Variants in RBMS3 observed in about 807,000 individuals in gnomAD.
RBMS3 encodes the protein RNA-binding motif, single-stranded-interacting protein 3.
Under a neutral mutation model 66.8 loss-of-function variants are expected in RBMS3, and 27 were observed. That is an observed-to-expected ratio of 0.40 (90% confidence interval 0.30 to 0.56). The LOEUF is 0.56. Ranked by LOEUF, RBMS3 falls within the 20% of genes least tolerant of loss-of-function variation. The pLI is 0.40. For missense variants in RBMS3, 513 were observed against 549.5 expected (o/e 0.93, Z 0.66); for synonymous variants, 188 against 183.0 (o/e 1.03, Z -0.22).
intron 1 of RBMS3, among the ~76,000 whole-genome samples, chr3:29,386,233 C>T (rs2125633725): frequency 6.6e-6 from 1 of 151,888 alleles, no homozygotes; most frequent in Admixed American, 6.6e-5. Flanking sequence ...ACTCGCTTAC[C>T]TTAAGTGGGT....
At chr3:29,574,239 C>T (rs116515158) in intron 3 of RBMS3, among the ~76,000 whole-genome samples, 1,798 of 152,190 alleles carry the variant, frequency 0.012, 37 homozygotes, top group African/African-American at 0.041. Context: ...TCAGGGTGCT[C>T]CAGTGTTGGG....
At chr3:29,638,636 T>C (rs923636539) in intron 4 of RBMS3, among the ~76,000 whole-genome samples, 4 of 151,852 alleles carry the variant, frequency 2.6e-5, no homozygotes, top group African/African-American at 4.8e-5. Flanking sequence ...TACTAAAAGA[T>C]AGCCTCAATC....
At chr3:29,708,289 G>A (rs369058174) in intron 4 of RBMS3, among the ~76,000 whole-genome samples, 4 of 152,096 alleles carry the variant, frequency 2.6e-5, no homozygotes, top group African/African-American at 9.7e-5. Flanking sequence ...TCAGATGAAA[G>A]GTTTAGAAGC....
At chr3:29,393,367 A>C (rs961587989) in intron 1 of RBMS3, among the ~76,000 whole-genome samples, 1 of 152,236 alleles carries the variant, frequency 6.6e-6, no homozygotes, top group African/African-American at 2.4e-5. Context: ...AATACAGTAC[A>C]GTGTTGAAGA....
At chr3:29,480,673 C>T (rs1437198735) in intron 2 of RBMS3, among the ~76,000 whole-genome samples, 1 of 152,012 alleles carries the variant, frequency 6.6e-6, no homozygotes, top group African/African-American at 2.4e-5. Flanking sequence ...CTGGATAATA[C>T]AAAGAAAGAA....
intron 10 of RBMS3, among the ~76,000 whole-genome samples, chr3:29,932,013 T>A (rs1577184840): frequency 6.6e-6 from 1 of 152,224 alleles, no homozygotes; most frequent in Non-Finnish European, 1.5e-5. Flanking sequence ...GCTGTTTTTT[T>A]AATTTTCACT....
intron 4 of RBMS3, among the ~76,000 whole-genome samples, chr3:29,668,310 CCTGT>C (rs2050850729): frequency 6.6e-6 from 1 of 152,212 alleles, no homozygotes; most frequent in African/African-American, 2.4e-5. Context: ...GGGTTACATA[CCTGT>C]CTAACACTGC....
At position 30,010,323 on chromosome 3, in the gene RBMS3, A is replaced by ATGTT. The variant is rs556528542; in HGVS notation, c.*6462_*6465dup. On this transcript the variant is annotated 3_prime_UTR_variant, in exon 15 of 15. Coordinates refer to ENST00000383767, the MANE Select transcript of RBMS3 (RefSeq NM_001003793.3). ...CCTTGGGCTTTCTGTAGATCAGTGG[A>ATGTT]TGTTAGGTTTAAACTTCTGTTTTCT... 120 of 152,208 alleles carry ATGTT rather than the reference A, an allele frequency of 7.9e-4. No individual in the cohort carries two copies. Among genetic ancestry groups the ATGTT allele is most frequent in the African/African-American group, 2.5e-3 (105 of 41,546 alleles). The allele number at this position is 152,208 out of a possible 1,614,324, so 9.4% of individuals were successfully genotyped here. A position where few individuals can be genotyped will look rare whatever the true frequency, so the allele number is the denominator to read the frequency against.
At chr3:29,578,608 G>A (rs1336245075) in intron 3 of RBMS3, among the ~76,000 whole-genome samples, 1 of 151,822 alleles carries the variant, frequency 6.6e-6, no homozygotes, top group African/African-American at 2.4e-5. Flanking sequence ...TAGTTAGATA[G>A]AACCTTTTAT....
intron 4 of RBMS3, among the ~76,000 whole-genome samples, chr3:29,637,699 T>A (rs2049526315): frequency 6.6e-6 from 1 of 151,900 alleles, no homozygotes; most frequent in African/African-American, 2.4e-5. Context: ...TTTAGTAATG[T>A]ATTAACTTTG....
rs111273878 is a variant in RBMS3 at position 29,915,883 on chromosome 3, A to G, written c.939+16128A>G. Among the ~76,000 whole-genome samples the G allele has an allele frequency of 9.0e-4, 137 of 152,164 alleles. 2 individuals are homozygous for G. The highest frequency in any genetic ancestry group is 3.2e-3 in the African/African-American group (131 of 41,570). ...TGGAAAAAACTTCTAATGCAAAAGC[A>G]TGTAGCTTTAGTCTTTTCTCTTGAG... On this transcript the variant is annotated intron_variant, in intron 10 of 14. Transcript: ENST00000383767.
At chr3:29,682,186 G>A (rs1357559516) in intron 4 of RBMS3, among the ~76,000 whole-genome samples, 5 of 152,162 alleles carry the variant, frequency 3.3e-5, no homozygotes. Context: ...TCGCTCTGAT[G>A]CCAGGCTGGA....
intron 6 of RBMS3, 55 bp downstream of exon 6, chr3:29,763,044 T>C (rs767033513): frequency 8.3e-6 from 10 of 1,210,292 alleles, no homozygotes; most frequent in Non-Finnish European, 1.2e-5. Context: ...ATTGCTCTTA[T>C]TAGAATAAGT....
At chr3:29,525,833 G>A (rs2045071856) in intron 3 of RBMS3, among the ~76,000 whole-genome samples, 1 of 152,126 alleles carries the variant, frequency 6.6e-6, no homozygotes, top group Non-Finnish European at 1.5e-5. Context: ...ATCTGGAACT[G>A]CTGCCAATTT....
At chr3:29,442,885 C>T (rs1334174364) in intron 2 of RBMS3, among the ~76,000 whole-genome samples, 1 of 152,052 alleles carries the variant, frequency 6.6e-6, no homozygotes, top group Non-Finnish European at 1.5e-5. Context: ...ACTTTCTCTT[C>T]TTCTACCTGT....
chr3:29,446,299 C>T (rs1490316773), intron 2 of RBMS3, among the ~76,000 whole-genome samples: 1 of 149,746 alleles, frequency 6.7e-6, no homozygotes, highest in African/African-American at 2.4e-5. Flanking sequence ...CAATCAAAAA[C>T]ATTTATTGTA....
intron 1 of RBMS3, among the ~76,000 whole-genome samples, chr3:29,312,836 A>T (rs1269460337): frequency 1.3e-5 from 2 of 151,656 alleles, no homozygotes; most frequent in Admixed American, 1.3e-4. Context: ...TGTGGACTTT[A>T]GATAATCCCA....
chr3:29,487,783 A>C (rs2043377393), intron 2 of RBMS3, among the ~76,000 whole-genome samples: 1 of 152,184 alleles, frequency 6.6e-6, no homozygotes, highest in Non-Finnish European at 1.5e-5. Context: ...CATTATTTAA[A>C]TAAATGTATT....
At chr3:29,928,211 T>TATATATATATATATAC (rs1291440563) in intron 10 of RBMS3, among the ~76,000 whole-genome samples, 12 of 93,494 alleles carry the variant, frequency 1.3e-4, no homozygotes, top group East Asian at 9.2e-4. Flanking sequence ...TATATATATA[T>TATATATATATATATAC]ACACACACAC....
Sources: gnomAD v4.1 joint callset for allele counts (sites outside exome capture counted in the v4.1 genomes callset) on GRCh38, gnomAD v4.1.1 for gene constraint, MANE v1.5 for transcripts, NCBI Gene and HGNC (gene_info 2026-07-23, HGNC 2026-07-21) for gene names.